Variants in SMYD3 observed in about 807,000 individuals in gnomAD.
The protein encoded by SMYD3 is histone-lysine N-methyltransferase SMYD3.
Under a neutral mutation model 57.7 loss-of-function variants are expected in SMYD3, and 36 were observed. That is an observed-to-expected ratio of 0.62 (90% CI 0.48 to 0.82). The LOEUF (loss-of-function observed/expected upper bound fraction) is 0.82. Ranked by LOEUF, SMYD3 falls within the 40% of genes least tolerant of loss-of-function variation. SMYD3 has a pLI of 0.00. For missense variants in SMYD3, 515 were observed against 538.8 expected (o/e 0.96, Z 0.44); for synonymous variants, 211 against 195.0 (o/e 1.08, Z -0.68).
At position 245,944,749 on chromosome 1, in the gene SMYD3, G is replaced by A. The variant is rs747188008; in HGVS notation, c.532-14812C>T. Among the ~76,000 whole-genome samples, 83 of 152,208 alleles carry A rather than the reference G, an allele frequency of 5.5e-4. 1 individual carries two copies. Among genetic ancestry groups the A allele is most frequent in the Admixed American group, 3.0e-3 (46 of 15,286 alleles). On this transcript the variant is annotated intron_variant, in intron 5 of 11. Transcript: ENST00000490107. ...TACCAAACTTAAAACTACACTACAA[G>A]GCTACTGTAACTAAAACAGCATGGT...
At chr1:245,876,807 C>T (rs908719263) in intron 8 of SMYD3, among the ~76,000 whole-genome samples, 1 of 152,146 alleles carries the variant, frequency 6.6e-6, no homozygotes, top group Non-Finnish European at 1.5e-5. Flanking sequence ...TTTCTAAATA[C>T]CGCACGTGAT....
At chr1:245,936,494 T>C (rs1313189359) in intron 5 of SMYD3, among the ~76,000 whole-genome samples, 1 of 152,142 alleles carries the variant, frequency 6.6e-6, no homozygotes, top group Non-Finnish European at 1.5e-5. Flanking sequence ...TCATGAAACA[T>C]AATCCAGCTG....
chr1:245,774,174 A>C (rs2046445756), intron 10 of SMYD3, among the ~76,000 whole-genome samples: 1 of 152,220 alleles, frequency 6.6e-6, no homozygotes, highest in African/African-American at 2.4e-5. Flanking sequence ...AGAATAGCTG[A>C]ACTGCTGGTC....
rs10924557 is a variant in SMYD3, at chr1:246,215,291, C to T, written c.531+111910G>A. Among the ~76,000 whole-genome samples, 75 of 152,046 alleles carry T rather than the reference C, an allele frequency of 4.9e-4. No homozygotes were observed. In the South Asian group the frequency reaches 0.015, roughly 31 times the overall value. On this transcript the variant is annotated intron_variant, in intron 5 of 11. Coordinates refer to ENST00000490107, the MANE Select transcript of SMYD3 (RefSeq NM_001167740.2). ...CAGGTGCAGGAAAATATAAAATATA[C>T]ATATTTAAAATCCTACTGAGCTGCT...
intron 5 of SMYD3, among the ~76,000 whole-genome samples, chr1:245,971,800 G>C (rs1383441500): frequency 6.6e-6 from 1 of 152,172 alleles, no homozygotes; most frequent in Non-Finnish European, 1.5e-5. Context: ...TTGCTTACAT[G>C]ATCACTAACA....
chr1:246,130,090 C>CA (rs1285852771), intron 5 of SMYD3, among the ~76,000 whole-genome samples: 2 of 152,172 alleles, frequency 1.3e-5, no homozygotes, highest in East Asian at 1.9e-4. Flanking sequence ...ACAGGTTCCC[C>CA]AGAGGCAGGT....
intron 5 of SMYD3, among the ~76,000 whole-genome samples, chr1:246,253,470 T>C (rs747602876): frequency 1.3e-4 from 20 of 152,230 alleles, no homozygotes; most frequent in Admixed American, 6.5e-5. Context: ...TAAGGCCACA[T>C]TGTATTCTGT....
chr1:246,292,420 C>T (rs563902351), intron 5 of SMYD3, among the ~76,000 whole-genome samples: 3 of 149,862 alleles, frequency 2.0e-5, no homozygotes, highest in South Asian at 2.1e-4. Flanking sequence ...TACTATCCAA[C>T]ACACCAGTAC....
At chr1:246,205,520 G>C (rs149879257) in intron 5 of SMYD3, among the ~76,000 whole-genome samples, 2 of 152,162 alleles carry the variant, frequency 1.3e-5, no homozygotes, top group Non-Finnish European at 2.9e-5. Flanking sequence ...GACAGGACTA[G>C]ATTAAAAGTT....
chr1:245,822,110 C>T (rs1047868945), intron 10 of SMYD3, among the ~76,000 whole-genome samples: 124 of 152,134 alleles, frequency 8.2e-4, no homozygotes, highest in African/African-American at 2.7e-3. Context: ...ATGTTTATTG[C>T]GGCATTATTC....
chr1:245,816,575 T>A (rs970970252), intron 10 of SMYD3, among the ~76,000 whole-genome samples: 42 of 146,906 alleles, frequency 2.9e-4, no homozygotes, highest in African/African-American at 1.0e-3. Context: ...ACAGCTCCAG[T>A]CTACAGCTCC....
chr1:245,948,561 C>T (rs1163945150), intron 5 of SMYD3, among the ~76,000 whole-genome samples: 1 of 152,156 alleles, frequency 6.6e-6, no homozygotes, highest in Non-Finnish European at 1.5e-5. Flanking sequence ...TGCTGGGCCC[C>T]ACATACTGCT....
At chr1:245,772,594 T>C (rs1360042844) in intron 10 of SMYD3, among the ~76,000 whole-genome samples, 1 of 152,104 alleles carries the variant, frequency 6.6e-6, no homozygotes, top group Non-Finnish European at 1.5e-5. Flanking sequence ...GCTCAGGAGT[T>C]TGAGGCTGTA....
intron 5 of SMYD3, among the ~76,000 whole-genome samples, chr1:246,312,457 C>T (rs2065095659): frequency 6.6e-6 from 1 of 151,914 alleles, no homozygotes. Flanking sequence ...GTCAAGAGAT[C>T]TTTAAAAGCA....
chr1:246,226,633 C>T (rs1558329783), intron 5 of SMYD3, among the ~76,000 whole-genome samples: 2 of 152,182 alleles, frequency 1.3e-5, no homozygotes, highest in Non-Finnish European at 2.9e-5. Context: ...TTGATGCGTC[C>T]ACTTTCCTTC....
intron 5 of SMYD3, among the ~76,000 whole-genome samples, chr1:246,036,546 TTTTTTTTG>T (rs2059775898): frequency 2.0e-5 from 3 of 151,518 alleles, no homozygotes; most frequent in Non-Finnish European, 1.5e-5. Context: ...TCTCTTTTTT[TTTTTTTTG>T]TTTTGTTTTG....
intron 1 of SMYD3, among the ~76,000 whole-genome samples, chr1:246,499,181 A>G (rs1030507265): frequency 4.0e-5 from 6 of 149,646 alleles, no homozygotes; most frequent in Non-Finnish European, 7.4e-5. Context: ...ACACGGGCCT[A>G]TAGTCCCAGC....
At chr1:245,849,685 C>T (rs1322004804) in intron 10 of SMYD3, among the ~76,000 whole-genome samples, 1 of 151,896 alleles carries the variant, frequency 6.6e-6, no homozygotes, top group Non-Finnish European at 1.5e-5. Flanking sequence ...CAGGGTCTCG[C>T]TCAGTCACCC....
intron 5 of SMYD3, among the ~76,000 whole-genome samples, chr1:246,113,450 A>G (rs980904735): frequency 1.2e-4 from 18 of 152,218 alleles, no homozygotes; most frequent in African/African-American, 4.3e-4. Flanking sequence ...AGTCTTGGTA[A>G]GAACAAAGGT....
Sources: allele counts gnomAD v4.1 joint callset (sites outside exome capture counted in the v4.1 genomes callset), GRCh38; gene constraint gnomAD v4.1.1; transcripts MANE v1.5; gene names NCBI Gene and HGNC (gene_info 2026-07-23, HGNC 2026-07-21).